Variants in CCN5 observed in about 807,000 individuals in gnomAD.
CCN5 encodes the protein cellular communication network factor 5.
CCN5 carries 17 observed loss-of-function variants against 18.7 expected under a neutral mutation model. The observed-to-expected ratio is 0.91, with a 90% CI of 0.62 to 1.36. CCN5 has a LOEUF of 1.36. Ranked by LOEUF, CCN5 falls within the 40% of genes most tolerant of loss-of-function variation. The probability of loss-of-function intolerance (pLI) is 0.00; values close to 1 mark genes in which losing one functional copy is unlikely to be tolerated. For synonymous variants in CCN5, 135 were observed against 145.2 expected (o/e 0.93, Z 0.50); for missense variants, 367 against 342.9 (o/e 1.07, Z -0.56).
Position 44,719,933 on chromosome 20 carries a change from C to G in CCN5, c.97C>G (p.Pro33Ala). The change falls in exon 2 of 4, where the codon CCC becomes GCC. Residue 33 changes from proline to alanine, a missense_variant. By Grantham distance (27) the Pro-to-Ala change is conservative. Coordinates refer to ENST00000190983, the MANE Select transcript of CCN5 (RefSeq NM_003881.4). ...GCTGTGCCCGACACCATGTACCTGCCCCTGGCCACCTCCCCGATGCCCGCT... is the reference window on the plus strand; with the variant it reads ...GCTGTGCCCGACACCATGTACCTGCGCCTGGCCACCTCCCCGATGCCCGCT... ...TQLCPTPCTC[P>A]WPPPRCPLGV... is the part of the protein sequence containing the mutation. 6.2e-7 allele frequency: 1 copy of G among 1,613,950 alleles called. No homozygotes were observed.
chr20:44,727,114 C>T lies in CCN5; in HGVS notation c.560C>T (p.Ser187Phe), dbSNP rs1396286169. The change falls in exon 4 of 4, where the codon TCC (serine) becomes TTC (phenylalanine). Residue 187 changes from serine to phenylalanine, a missense_variant. Physicochemically the swap from Ser to Phe is radical, Grantham distance 155 (BLOSUM62 -2). Coordinates refer to ENST00000190983, the MANE Select transcript of CCN5 (RefSeq NM_003881.4). ...QGPQFSGLVSSLPPGVPCPEW... is the reference protein window; with the variant it reads ...QGPQFSGLVSFLPPGVPCPEW... ...CCCCAGTTTTCTGGCCTTGTCTCTT[C>T]CCTGCCCCCTGGTGTCCCCTGCCCA... 1 of 1,603,388 alleles carries T rather than the reference C, an allele frequency of 6.2e-7. No individual in the cohort carries two copies. The highest frequency in any genetic ancestry group is 1.3e-5 in the African/African-American group (1 of 74,754).
chr20:44,717,344 G>A (rs6103841), intron 1 of CCN5, among the ~76,000 whole-genome samples: 2,585 of 152,280 alleles, frequency 0.017, 35 homozygotes, highest in Non-Finnish European at 0.028. Flanking sequence ...TGGGTATCGG[G>A]GCCTACAGAG....
In CCN5 at chr20:44,720,153, C is replaced by T. The variant is rs145387366; in HGVS notation, c.277+40C>T. 3,430 of 1,530,450 alleles carry T rather than the reference C, an allele frequency of 2.2e-3. 62 individuals are homozygous for T. In the African/African-American group the frequency reaches 0.038, roughly 17 times the overall value. The allele number at this position is 1,530,450 out of a possible 1,614,324, so 94.8% of individuals were successfully genotyped here. A position where few individuals can be genotyped will look rare whatever the true frequency, so the allele number is the denominator to read the frequency against. ...AGGACTGAGTGGGGGCGGGTGTGAG[C>T]GGGAGGTCAAGGCCGTGGTGTCCTG... On this transcript the variant is annotated intron_variant, in intron 2 of 3. Transcript: ENST00000190983.
At chr20:44,720,237 C>T in intron 2 of CCN5, 124 bp downstream of exon 2, 1 of 1,056,960 alleles carries the variant, frequency 9.5e-7, no homozygotes, top group Non-Finnish European at 1.4e-6. Flanking sequence ...GGTATCCCAT[C>T]CATTCCAGCT....
chr20:44,727,594 C>G lies in CCN5; in HGVS notation c.*287C>G, dbSNP rs1169868751. ...GCCCACTCCCTGCCTACACACACAG[C>G]CTATATCAAACATGCACACGGGCGA... On this transcript the variant is annotated 3_prime_UTR_variant, in exon 4 of 4. Transcript: ENST00000190983. The G allele has an allele frequency of 1.7e-6, 2 of 1,183,480 alleles. No individual in the cohort carries two copies. The highest frequency in any genetic ancestry group is 2.2e-6 in the Non-Finnish European group (2 of 926,684). 73.3% of individuals were successfully genotyped at this position (1,183,480 alleles called of 1,614,324 possible).
At chr20:44,716,954 G>A (rs988232235) in intron 1 of CCN5, among the ~76,000 whole-genome samples, 2 of 152,174 alleles carry the variant, frequency 1.3e-5, no homozygotes, top group Non-Finnish European at 2.9e-5. Flanking sequence ...CAGTCACGTA[G>A]CAAGTCACTG....
chr20:44,719,025 T>C (rs1380984296), intron 1 of CCN5, among the ~76,000 whole-genome samples: 3 of 152,180 alleles, frequency 2.0e-5, no homozygotes, highest in African/African-American at 4.8e-5. Flanking sequence ...AAAACATCCA[T>C]GATATGGTTC....
At chr20:44,714,942 C>T (rs761884959), upstream of CCN5, 12 of 166,820 alleles carry the variant, frequency 7.2e-5, no homozygotes, top group Non-Finnish European at 1.4e-4. Context: ...GTATCTGCAG[C>T]CCCGCTGGGG....
rs112910937 is a variant in CCN5 at position 44,727,577 on chromosome 20, C to T, written c.*270C>T. ...GTGTCCAGGGTCCTCTAGCCCACTC[C>T]CTGCCTACACACACAGCCTATATCA... On this transcript the variant is annotated 3_prime_UTR_variant, in exon 4 of 4. Coordinates refer to ENST00000190983, the MANE Select transcript of CCN5 (RefSeq NM_003881.4). 1,037 of 1,274,698 alleles carry T rather than the reference C, an allele frequency of 8.1e-4. 8 individuals are homozygous for T. In the African/African-American group the frequency reaches 0.013, roughly 16 times the overall value. 79.0% of individuals were successfully genotyped at this position (1,274,698 alleles called of 1,614,324 possible).
chr20:44,715,101 C>CAT, upstream of CCN5: 1 of 409,512 alleles, frequency 2.4e-6, no homozygotes, highest in South Asian at 2.5e-5. Context: ...CACGCGCACA[C>CAT]ACACACACAC....
At chr20:44,725,129 G>C (rs2065927872) in intron 3 of CCN5, 137 bp downstream of exon 3, 1 of 1,240,734 alleles carries the variant, frequency 8.1e-7, no homozygotes, top group Non-Finnish European at 1.1e-6. Flanking sequence ...CGGAGGCTGA[G>C]GAGGGAGATA....
chr20:44,720,138 G>A, intron 2 of CCN5, 25 bp downstream of exon 2: 1 of 1,536,720 alleles, frequency 6.5e-7, no homozygotes, highest in Non-Finnish European at 8.7e-7. Context: ...AGGACTGAGT[G>A]GGGGCGGGTG....
chr20:44,723,956 G>C (rs2065917693), intron 2 of CCN5: 1 of 152,316 alleles, frequency 6.6e-6, no homozygotes, highest in South Asian at 2.1e-4. Context: ...AGGGTGCAGA[G>C]ACGCACACTG....
intron 3 of CCN5, among the ~76,000 whole-genome samples, chr20:44,726,406 C>G (rs1168844659): frequency 2.0e-5 from 3 of 152,122 alleles, no homozygotes; most frequent in African/African-American, 7.2e-5. Flanking sequence ...GGTTTCTCAA[C>G]GTCAGCACTA....
chr20:44,722,334 C>T (rs187631027), intron 2 of CCN5, among the ~76,000 whole-genome samples: 131 of 152,320 alleles, frequency 8.6e-4, no homozygotes, highest in African/African-American at 1.9e-3. Context: ...GATAACAGCG[C>T]ATCCAATGCC....
At chr20:44,720,861 A>T (rs1279113942) in intron 2 of CCN5, 1 of 152,128 alleles carries the variant, frequency 6.6e-6, no homozygotes, top group East Asian at 1.9e-4. Flanking sequence ...CCAGAGAATT[A>T]GTTGTTGTGG....
intron 1 of CCN5, among the ~76,000 whole-genome samples, chr20:44,715,854 G>A (rs1263012640): frequency 1.3e-5 from 2 of 152,204 alleles, no homozygotes; most frequent in African/African-American, 2.4e-5. Context: ...TTGGATGGAT[G>A]CCTAGCTGAT....
At chr20:44,724,710 C>T (rs1600995747) in intron 2 of CCN5, 28 bp from the exon 3 acceptor site, 2 of 1,611,328 alleles carry the variant, frequency 1.2e-6, no homozygotes, top group African/African-American at 2.7e-5. Flanking sequence ...TGCGGGTCAC[C>T]GATGGGGGTG....
rs1264401048 is a variant in CCN5, at chr20:44,715,377, G to A, written c.-14G>A. 3 of 1,596,784 alleles carry A rather than the reference G, an allele frequency of 1.9e-6. No homozygotes were observed. The highest frequency in any genetic ancestry group is 2.6e-6 in the Non-Finnish European group (3 of 1,172,390). On this transcript the variant is annotated 5_prime_UTR_variant, in exon 1 of 4. Transcript: ENST00000190983. Reference sequence around the variant, plus strand: ...GGTCCGCCTCCCAGGCTCAAAGCTGGCTCTGCAGGGGACATGAGAGGCACA... The same window carrying A: ...GGTCCGCCTCCCAGGCTCAAAGCTGACTCTGCAGGGGACATGAGAGGCACA...
Sources: gnomAD v4.1 joint callset for allele counts (sites outside exome capture counted in the v4.1 genomes callset) on GRCh38, gnomAD v4.1.1 for gene constraint, MANE v1.5 for transcripts, NCBI Gene and HGNC (gene_info 2026-07-23, HGNC 2026-07-21) for gene names.